Variants in PC observed in about 807,000 individuals in gnomAD.
PC encodes the protein pyruvate carboxylase, mitochondrial.
A neutral mutation model predicts 107.8 loss-of-function variants in PC; 46 were observed. The ratio of observed to expected loss-of-function variants is 0.43; its 90% CI spans 0.34 to 0.55. PC has a LOEUF of 0.55. Ranked by LOEUF, PC falls within the 20% of genes least tolerant of loss-of-function variation. The pLI is 0.04. For missense variants in PC, 1,241 were observed against 1,643.1 expected (o/e 0.76, Z 4.23); for synonymous variants, 662 against 684.7 (o/e 0.97, Z 0.52).
intron 3 of PC, among the ~76,000 whole-genome samples, chr11:66,917,305 C>A (rs931805858): frequency 6.6e-6 from 1 of 152,132 alleles, no homozygotes; most frequent in Non-Finnish European, 1.5e-5. Flanking sequence ...CACCTGGCCT[C>A]AAGTGATCCA....
intron 12 of PC, among the ~76,000 whole-genome samples, chr11:66,861,180 C>A (rs1018161408): frequency 1.1e-4 from 16 of 152,210 alleles, no homozygotes; most frequent in Non-Finnish European, 1.0e-4. Context: ...ACGAGCCCTG[C>A]TTTCTCTGCT....
chr11:66,938,215 C>A (rs1375952918), intron 3 of PC, among the ~76,000 whole-genome samples: 4 of 152,078 alleles, frequency 2.6e-5, no homozygotes, highest in Non-Finnish European at 5.9e-5. Context: ...TTGTTGAAAA[C>A]AAGAATAACT....
At chr11:66,927,927 G>A (rs185793559) in intron 3 of PC, among the ~76,000 whole-genome samples, 8 of 152,264 alleles carry the variant, frequency 5.3e-5, no homozygotes, top group East Asian at 1.9e-4. Context: ...TTTACATGAA[G>A]AGACAGAGAG....
intron 3 of PC, among the ~76,000 whole-genome samples, chr11:66,929,343 G>T (rs1389706413): frequency 7.2e-5 from 11 of 151,984 alleles, no homozygotes; most frequent in Non-Finnish European, 2.9e-5. Context: ...GGATGCAAAG[G>T]CTCATCTTGA....
At chr11:66,849,908 A>C in intron 20 of PC, 29 bp downstream of exon 20, 1 of 1,613,382 alleles carries the variant, frequency 6.2e-7, no homozygotes, top group Middle Eastern at 1.6e-4. Flanking sequence ...TCCAGCCCCC[A>C]CCCTCACACC....
intron 3 of PC, among the ~76,000 whole-genome samples, chr11:66,923,552 C>T (rs1948643829): frequency 6.6e-6 from 1 of 151,838 alleles, no homozygotes; most frequent in South Asian, 2.1e-4. Context: ...GCTCCGTCGC[C>T]CAGGCTGGAG....
intron 3 of PC, among the ~76,000 whole-genome samples, chr11:66,917,897 G>C (rs1298924965): frequency 6.6e-6 from 1 of 152,156 alleles, no homozygotes; most frequent in Non-Finnish European, 1.5e-5. Context: ...GGGCAGCCTA[G>C]AGCCTGGGAT....
intron 12 of PC, chr11:66,860,344 C>T (rs1394376808): frequency 8.2e-7 from 1 of 1,216,700 alleles, no homozygotes; most frequent in South Asian, 1.3e-5. Flanking sequence ...GAGCCCTTTC[C>T]TCGGTTCTGG....
intron 3 of PC, among the ~76,000 whole-genome samples, chr11:66,875,607 G>A (rs755038824): frequency 1.3e-5 from 2 of 152,048 alleles, no homozygotes; most frequent in Non-Finnish European, 2.9e-5. Flanking sequence ...AGGGACGCAC[G>A]GGTCGCTGGG....
At chr11:66,909,676 G>A (rs1471625669) in intron 3 of PC, among the ~76,000 whole-genome samples, 2 of 152,148 alleles carry the variant, frequency 1.3e-5, no homozygotes, top group Non-Finnish European at 2.9e-5. Context: ...CACTAGACAC[G>A]TAAACAAAGA....
intron 12 of PC, chr11:66,860,226 G>T: frequency 6.5e-7 from 1 of 1,539,864 alleles, no homozygotes. Context: ...TGCTCCAAGG[G>T]ATGAGCCTCG....
At chr11:66,922,640 A>G (rs1034259208) in intron 3 of PC, among the ~76,000 whole-genome samples, 2 of 150,254 alleles carry the variant, frequency 1.3e-5, no homozygotes, top group Admixed American at 1.3e-4. Flanking sequence ...CCAGAGGTGC[A>G]TCAGGGATAA....
intron 3 of PC, among the ~76,000 whole-genome samples, chr11:66,942,552 A>G (rs1054641039): frequency 3.9e-5 from 6 of 152,148 alleles, no homozygotes; most frequent in African/African-American, 1.4e-4. Context: ...AGAGACAGAA[A>G]GTAGAATGGT....
At chr11:66,929,023 T>C (rs1591294939) in intron 3 of PC, among the ~76,000 whole-genome samples, 2 of 152,156 alleles carry the variant, frequency 1.3e-5, no homozygotes, top group East Asian at 3.8e-4. Flanking sequence ...GTACTATTTA[T>C]TGAATGCTAG....
intron 12 of PC, chr11:66,860,761 C>T: frequency 1.4e-6 from 1 of 698,274 alleles, no homozygotes; most frequent in Non-Finnish European, 2.6e-6. Context: ...GACGCCGTAT[C>T]CAGTGTAAAG....
intron 12 of PC, among the ~76,000 whole-genome samples, chr11:66,863,512 C>G (rs1024362798): frequency 1.3e-5 from 2 of 152,218 alleles, no homozygotes; most frequent in Non-Finnish European, 1.5e-5. Context: ...CGGAACAAGA[C>G]TAGACAGGAG....
In PC at chr11:66,944,354, G is replaced by A. The variant is rs1470514001; in HGVS notation, c.-1+8076C>T. ...AGCACTTTGGGAGGCCAAGGCAGGCGGATCACTTGAGGTCAGGAGTTCGAG... is the reference window on the plus strand; with the variant it reads ...AGCACTTTGGGAGGCCAAGGCAGGCAGATCACTTGAGGTCAGGAGTTCGAG... On this transcript the variant is annotated intron_variant, in intron 3 of 22. Transcript: ENST00000393960. Among the ~76,000 whole-genome samples, 5 of 115,148 alleles carry A rather than the reference G, an allele frequency of 4.3e-5. 1 individual carries two copies. The highest frequency in any genetic ancestry group is 1.6e-4 in the African/African-American group (5 of 31,912). The allele number at this position is 115,148 out of a possible 152,430, so 75.5% of individuals were successfully genotyped here.
chr11:66,903,846 G>A (rs1286558823), intron 3 of PC, among the ~76,000 whole-genome samples: 1 of 123,470 alleles, frequency 8.1e-6, no homozygotes, highest in African/African-American at 3.2e-5. Flanking sequence ...TTTTTATTTA[G>A]AGACAGAGTC....
At chr11:66,945,946 C>T (rs1949272918) in intron 3 of PC, among the ~76,000 whole-genome samples, 2 of 150,604 alleles carry the variant, frequency 1.3e-5, no homozygotes, top group South Asian at 2.1e-4. Context: ...ATTAGCAGGG[C>T]GCGGTGGCGG....
Sources: gnomAD v4.1 joint callset for allele counts (sites outside exome capture counted in the v4.1 genomes callset) on GRCh38, gnomAD v4.1.1 for gene constraint, MANE v1.5 for transcripts, NCBI Gene and HGNC (gene_info 2026-07-23, HGNC 2026-07-21) for gene names.